SNX10: variants seen among roughly 807,000 people sequenced by gnomAD.
The protein encoded by SNX10 is sorting nexin-10.
Under a neutral mutation model 28.5 loss-of-function variants are expected in SNX10, and 25 were observed. The observed-to-expected ratio is 0.88, with a 90% confidence interval of 0.64 to 1.22. SNX10 has a LOEUF of 1.22. Ranked by LOEUF, SNX10 falls within the 50% of genes most tolerant of loss-of-function variation. The pLI, the probability that SNX10 is intolerant of heterozygous loss-of-function variation, is 0.00. For missense variants in SNX10, 223 were observed against 242.6 expected (o/e 0.92, Z 0.54); for synonymous variants, 62 against 81.4 (o/e 0.76, Z 1.28).
chr7:26,310,943 A>G (rs1401665950), intron 1 of SNX10, among the ~76,000 whole-genome samples: 1 of 151,868 alleles, frequency 6.6e-6, no homozygotes, highest in Non-Finnish European at 1.5e-5. Flanking sequence ...TCGGCCTCCC[A>G]AAGTGCTGGG....
chr7:26,320,906 C>T (rs1787285199), intron 1 of SNX10, among the ~76,000 whole-genome samples: 2 of 152,222 alleles, frequency 1.3e-5, no homozygotes, highest in South Asian at 2.1e-4. Flanking sequence ...TCCATGACTA[C>T]ATCCTGCTTT....
chr7:26,292,841 GA>G (rs1785978430), intron 1 of SNX10, among the ~76,000 whole-genome samples: 1 of 152,220 alleles, frequency 6.6e-6, no homozygotes, highest in South Asian at 2.1e-4. Flanking sequence ...GGCTAAGGCC[GA>G]GGGACGCTGA....
intron 1 of SNX10, among the ~76,000 whole-genome samples, chr7:26,302,063 A>G (rs1786390651): frequency 6.6e-6 from 1 of 152,122 alleles, no homozygotes; most frequent in African/African-American, 2.4e-5. Flanking sequence ...ACCATAGACA[A>G]CCAGGGCTTT....
At chr7:26,312,134 A>T (rs1436222521) in intron 1 of SNX10, among the ~76,000 whole-genome samples, 1 of 152,196 alleles carries the variant, frequency 6.6e-6, no homozygotes. Context: ...TATGGCAAGG[A>T]TGTAATTCAT....
intron 1 of SNX10, among the ~76,000 whole-genome samples, chr7:26,327,108 C>T (rs1787530753): frequency 6.6e-6 from 1 of 151,972 alleles, no homozygotes; most frequent in Non-Finnish European, 1.5e-5. Context: ...GCGCCACCAT[C>T]CCTGGCTAAT....
intron 2 of SNX10, among the ~76,000 whole-genome samples, chr7:26,347,509 C>A (rs947102813): frequency 6.6e-6 from 1 of 152,190 alleles, no homozygotes; most frequent in Admixed American, 6.5e-5. Flanking sequence ...CACCACACTT[C>A]AGCCCCGGCG....
chr7:26,330,428 G>A (rs1029887147), intron 1 of SNX10, among the ~76,000 whole-genome samples: 2 of 152,124 alleles, frequency 1.3e-5, no homozygotes, highest in Non-Finnish European at 2.9e-5. Flanking sequence ...GGGAGCACAT[G>A]AGGATTGAGC....
In SNX10 at chr7:26,313,724, A is replaced by AT. The variant is rs1180806083; in HGVS notation, c.-24+21640dup. ...ATCATTGTTCCCTTGTGGCATAATA[A>AT]TTAAAAAAAAATGTGAAATTGAGCC... On this transcript the variant is annotated intron_variant, in intron 1 of 6. Coordinates refer to ENST00000338523, the MANE Select transcript of SNX10 (RefSeq NM_013322.3). 1.3e-4 allele frequency among the ~76,000 whole-genome samples: 19 copies of AT among 151,162 alleles called. 1 individual carries two copies. Among genetic ancestry groups the AT allele is most frequent in the East Asian group, 1.2e-3 (6 of 4,914 alleles).
At chr7:26,360,902 T>G in intron 2 of SNX10, 73 bp from the exon 3 acceptor site, 2 of 1,581,642 alleles carry the variant, frequency 1.3e-6, no homozygotes, top group Non-Finnish European at 1.7e-6. Context: ...TTTAGTGCAG[T>G]CGTTTTGTTC....
rs545071133 is a variant in SNX10 at position 26,363,144 on chromosome 7, G to A, written c.112-1391G>A. ...GAGCACAGTAGAGTGAGGCCCTGGTGTGTTATAAGTCCACCCACAGGATGT... is the reference window on the plus strand; with the variant it reads ...GAGCACAGTAGAGTGAGGCCCTGGTATGTTATAAGTCCACCCACAGGATGT... On this transcript the variant is annotated intron_variant, in intron 3 of 6. Transcript: ENST00000338523. 1.7e-3 allele frequency among the ~76,000 whole-genome samples: 252 copies of A among 152,268 alleles called. 1 individual carries two copies. Among genetic ancestry groups the A allele is most frequent in the Admixed American group, 8.0e-3 (122 of 15,292 alleles).
intron 1 of SNX10, among the ~76,000 whole-genome samples, chr7:26,343,350 T>C (rs1288700687): frequency 6.6e-6 from 1 of 152,164 alleles, no homozygotes; most frequent in Admixed American, 6.5e-5. Flanking sequence ...TTGCACTCTT[T>C]CATAGTGTGA....
At chr7:26,372,343 C>T (rs1789587721) in intron 6 of SNX10, 148 bp from the exon 7 acceptor site, 1 of 661,930 alleles carries the variant, frequency 1.5e-6, no homozygotes, top group African/African-American at 1.8e-5. Flanking sequence ...TACCCAACTG[C>T]ACTCCAAATG....
chr7:26,338,002 GGT>G (rs1788001928), intron 1 of SNX10, among the ~76,000 whole-genome samples: 3 of 151,990 alleles, frequency 2.0e-5, no homozygotes, highest in Admixed American at 1.3e-4. Context: ...TATCCTAACG[GGT>G]GTGAGTTAAT....
intron 2 of SNX10, among the ~76,000 whole-genome samples, chr7:26,355,479 C>A (rs1268967542): frequency 1.3e-5 from 2 of 152,184 alleles, no homozygotes; most frequent in East Asian, 3.8e-4. Context: ...GCTTTGATTC[C>A]TTTCAATAGC....
chr7:26,337,494 C>A (rs950162567), intron 1 of SNX10, among the ~76,000 whole-genome samples: 3 of 152,230 alleles, frequency 2.0e-5, no homozygotes, highest in African/African-American at 7.2e-5. Context: ...CCTTGGCAAC[C>A]ACCATTCTAC....
chr7:26,321,287 G>A (rs1787298385), intron 1 of SNX10, among the ~76,000 whole-genome samples: 1 of 152,132 alleles, frequency 6.6e-6, no homozygotes, highest in Non-Finnish European at 1.5e-5. Context: ...ATTTATGAAG[G>A]TAAAAGCTTT....
chr7:26,370,252 A>C (rs1306444984), intron 5 of SNX10: 6 of 152,200 alleles, frequency 3.9e-5, no homozygotes, highest in Non-Finnish European at 2.9e-5. Context: ...TCTTAATCTG[A>C]AGTATTTAAA....
chr7:26,334,193 T>C (rs946267989), intron 1 of SNX10, among the ~76,000 whole-genome samples: 3 of 152,244 alleles, frequency 2.0e-5, no homozygotes, highest in Non-Finnish European at 4.4e-5. Flanking sequence ...ACTTGCTGTA[T>C]CATAGTTATA....
intron 1 of SNX10, among the ~76,000 whole-genome samples, chr7:26,329,254 C>T (rs945382093): frequency 2.0e-5 from 3 of 152,214 alleles, no homozygotes; most frequent in Non-Finnish European, 2.9e-5. Context: ...CTTCTGTTCT[C>T]CAGATATACC....
Sources: allele counts gnomAD v4.1 joint callset (sites outside exome capture counted in the v4.1 genomes callset), GRCh38; gene constraint gnomAD v4.1.1; transcripts MANE v1.5; gene names NCBI Gene and HGNC (gene_info 2026-07-23, HGNC 2026-07-21).